PLEKHN1: variants seen among roughly 807,000 people sequenced by gnomAD.
PLEKHN1 encodes pleckstrin homology domain containing N1.
A neutral mutation model predicts 72.8 loss-of-function variants in PLEKHN1; 68 were observed. The ratio of observed to expected loss-of-function variants is 0.93; its 90% CI spans 0.77 to 1.14. The LOEUF (loss-of-function observed/expected upper bound fraction) is 1.14. Ranked by LOEUF, PLEKHN1 falls within the 50% of genes most tolerant of loss-of-function variation. PLEKHN1 has a pLI of 0.00. For missense variants in PLEKHN1, 1,015 were observed against 840.5 expected, an observed-to-expected ratio of 1.21 and a Z score of -2.57; for synonymous variants, 454 against 371.6, an observed-to-expected ratio of 1.22 and a Z score of -2.55.
rs1643537506 is a variant in PLEKHN1, at chr1:974,970, G to T, written c.*395G>T. 11 of 230,718 alleles carry T rather than the reference G, an allele frequency of 4.8e-5. No individual in the cohort carries two copies. The South Asian group carries it at 7.6e-4, about 16-fold the overall frequency. The allele number at this position is 230,718 out of a possible 1,614,324, so 14.3% of individuals were successfully genotyped here. ...CAGAGTATGTGAGGTCAGAGGGCAT[G>T]AGGGTCACAGGTCAGCAAGGTGTGA... On this transcript the variant is annotated 3_prime_UTR_variant, in exon 16 of 16. Transcript: ENST00000379410.
chr1:974,726 C>A lies in PLEKHN1; in HGVS notation c.*151C>A. The A allele has an allele frequency of 9.6e-7, 1 of 1,043,194 alleles. No individual in the cohort carries two copies. The highest frequency in any genetic ancestry group is 1.7e-5 in the South Asian group (1 of 58,826). The allele number at this position is 1,043,194 out of a possible 1,614,324, so 64.6% of individuals were successfully genotyped here. On this transcript the variant is annotated 3_prime_UTR_variant, in exon 16 of 16. Transcript: ENST00000379410. ...TGAGTTCAGAGCCCGTCCCTCAGCT[C>A]CTGTTCCTTGGTGCCAGCAGCTGGG...
rs569595533 is a variant in PLEKHN1 at position 969,352 on chromosome 1, T to C, written c.184-925T>C. On this transcript the variant is annotated intron_variant, in intron 2 of 15. Coordinates refer to ENST00000379410, the MANE Select transcript of PLEKHN1 (RefSeq NM_032129.3). The stretch of plus-strand genomic sequence containing the variant: ...GTGCGTGTGTGTGCACAAGTGTGTA[T>C]GTGTGCATGTGTTTGCACGTGTATA... Among the ~76,000 whole-genome samples, 498 of 145,568 alleles carry C rather than the reference T, an allele frequency of 3.4e-3. 1 individual carries two copies. The highest frequency in any genetic ancestry group is 5.2e-3 in the Non-Finnish European group (350 of 66,980).
At position 972,367 on chromosome 1, in the gene PLEKHN1, C is replaced by A; in HGVS notation, c.945C>A (p.Val315=). The change falls in exon 10 of 16, where the codon GTC becomes GTA. Residue 315 remains valine, a synonymous_variant. Coordinates refer to ENST00000379410, the MANE Select transcript of PLEKHN1 (RefSeq NM_032129.3). The part of the protein sequence containing the change: ...YGHWLLCLRA[V]THREGAPPLP... ...ACTGGCTGCTGTGCCTTCGCGCTGT[C>A]ACCCACAGGGAGGGGGCCCCGCCGC... 1 of 1,596,118 alleles carries A rather than the reference C, an allele frequency of 6.3e-7. No individual in the cohort carries two copies. The highest frequency in any genetic ancestry group is 8.5e-7 in the Non-Finnish European group (1 of 1,173,476).
chr1:966,894 C>T (rs1205860158), intron 2 of PLEKHN1, 91 bp downstream of exon 2: 15 of 1,387,276 alleles, frequency 1.1e-5, no homozygotes, highest in African/African-American at 2.9e-5. Flanking sequence ...GGGTCTTCCC[C>T]TCGCCCCCGG....
intron 2 of PLEKHN1, among the ~76,000 whole-genome samples, chr1:967,008 T>G (rs1037117285): frequency 1.3e-5 from 2 of 152,172 alleles, no homozygotes; most frequent in African/African-American, 2.4e-5. Flanking sequence ...GACGCAGGAC[T>G]GAGTCAGTCG....
chr1:966,653 T>TC lies in PLEKHN1; in HGVS notation c.83+44dup, dbSNP rs764273272. ...GGGTGCGGCCACCTGGGCGCAGGGC[T>TC]CCCCCACCCGCTCCGGGGCCAAGCC... is the stretch of plus-strand genomic sequence containing the variant. On this transcript the variant is annotated intron_variant, in intron 1 of 15. Transcript: ENST00000379410. 1.9e-6 allele frequency: 3 copies of TC among 1,589,578 alleles called. No individual in the cohort carries two copies. In the South Asian group the frequency reaches 3.4e-5, roughly 18 times the overall value.
Position 966,570 on chromosome 1 carries a change from G to A in PLEKHN1, c.39G>A (p.Arg13=), listed in dbSNP as rs550687730. The change falls in exon 1 of 16, where the codon AGG becomes AGA. Residue 13 remains arginine (R), a synonymous_variant. Coordinates refer to ENST00000379410, the MANE Select transcript of PLEKHN1 (RefSeq NM_032129.3). ...NSHCVPQAPR[R]LRASFSRKPS... is the part of the protein sequence containing the mutation. ...ACTGTGTCCCTCAGGCCCCCAGGAG[G>A]CTCCGGGCCTCCTTCTCCAGAAAGC... 3.6e-5 allele frequency: 58 copies of A among 1,610,910 alleles called. 1 individual carries two copies. The South Asian group carries it at 6.3e-4, about 17-fold the overall frequency.
chr1:969,567 T>C (rs1320294767), intron 2 of PLEKHN1, among the ~76,000 whole-genome samples: 2 of 152,144 alleles, frequency 1.3e-5, no homozygotes, highest in African/African-American at 4.8e-5. Flanking sequence ...TATACATGTG[T>C]ATGGGTGTAT....
chr1:969,719 T>C (rs1407615272), intron 2 of PLEKHN1, among the ~76,000 whole-genome samples: 4 of 151,924 alleles, frequency 2.6e-5, no homozygotes, highest in Non-Finnish European at 5.9e-5. Flanking sequence ...TTCCCGTGTG[T>C]ATGCATCTGT....
chr1:969,898 T>TGC (rs1243450103), intron 2 of PLEKHN1, among the ~76,000 whole-genome samples: 1 of 151,996 alleles, frequency 6.6e-6, no homozygotes, highest in East Asian at 1.9e-4. Context: ...TGTATGCATA[T>TGC]ATGTATGCAC....
Position 972,391 on chromosome 1 carries a change from G to A in PLEKHN1, c.969G>A (p.Pro323=), listed in dbSNP as rs770233654. The part of the protein sequence containing the change: ...RAVTHREGAP[P]LPGAESFPGS... ...TCACCCACAGGGAGGGGGCCCCGCCGCTGCCTGGTGCCGAGAGCTTCCCAG... is the reference window on the plus strand; with the variant it reads ...TCACCCACAGGGAGGGGGCCCCGCCACTGCCTGGTGCCGAGAGCTTCCCAG... Residue 323 remains proline (P), a synonymous_variant, in exon 10 of 16, where the codon CCG becomes CCA. Coordinates refer to ENST00000379410, the MANE Select transcript of PLEKHN1 (RefSeq NM_032129.3). 3.3e-5 allele frequency: 52 copies of A among 1,586,200 alleles called. No individual in the cohort carries two copies. The highest frequency in any genetic ancestry group is 2.3e-4 in the East Asian group (10 of 43,692).
chr1:971,926 G>T, intron 8 of PLEKHN1, 149 bp from the exon 9 acceptor site: 1 of 726,936 alleles, frequency 1.4e-6, no homozygotes, highest in South Asian at 1.8e-5. Context: ...GGAGACATGG[G>T]ACCCACTGGC....
chr1:974,661 G>C lies in PLEKHN1; in HGVS notation c.*86G>C. 6.8e-7 allele frequency: 1 copy of C among 1,479,152 alleles called. No homozygotes were observed. The highest frequency in any genetic ancestry group is 1.3e-5 in the South Asian group (1 of 76,686). 91.6% of individuals were successfully genotyped at this position (1,479,152 alleles called of 1,614,324 possible). On this transcript the variant is annotated 3_prime_UTR_variant, in exon 16 of 16. Coordinates refer to ENST00000379410, the MANE Select transcript of PLEKHN1 (RefSeq NM_032129.3). ...CTAACCCACTTCAAATTACAAGTCAGGGTCTGAACCCAGTGTGATGGGGGG... is the reference window on the plus strand; with the variant it reads ...CTAACCCACTTCAAATTACAAGTCACGGTCTGAACCCAGTGTGATGGGGGG...
At chr1:966,655 C>T (rs774747623) in intron 1 of PLEKHN1, 41 bp downstream of exon 1, 14 of 1,590,826 alleles carry the variant, frequency 8.8e-6, no homozygotes, top group South Asian at 3.4e-5. Flanking sequence ...CGCAGGGCTC[C>T]CCCACCCGCT....
In PLEKHN1 at chr1:970,656, C is replaced by G. The variant is rs748881967; in HGVS notation, c.412-30C>G. The stretch of plus-strand genomic sequence containing the variant: ...TGGCCGCCCTTCCCTCCATGGATCC[C>G]TGAAGCTCCTCCTACCCTGTGCCTG... On this transcript the variant is annotated intron_variant, in intron 4 of 15. Transcript: ENST00000379410. This position sits in a 1 kb window ranked among gnomAD's most constrained non-coding sequence, Gnocchi z 4.2. The G allele has an allele frequency of 3.7e-6, 6 of 1,600,370 alleles. No homozygotes were observed. Among genetic ancestry groups the G allele is most frequent in the African/African-American group, 1.3e-5 (1 of 74,792 alleles).
In PLEKHN1 at chr1:974,455, C is replaced by A. The variant is rs1454628025; in HGVS notation, c.1716C>A (p.Pro572=). The A allele has an allele frequency of 7.4e-6, 12 of 1,612,744 alleles. No homozygotes were observed. The highest frequency in any genetic ancestry group is 1.0e-5 in the Non-Finnish European group (12 of 1,179,962). ...CTTCCCTACCAGATGGTCGGTCCCC[C>A]AGGAGGAGCCGGGACCCCGGCTACG... The part of the protein sequence containing the change: ...PWLPLTDGRS[P]RRSRDPGYDH... The change falls in exon 16 of 16, where the codon CCC becomes CCA. Residue 572 remains proline, a synonymous_variant. Transcript: ENST00000379410.
intron 2 of PLEKHN1, 128 bp downstream of exon 2, chr1:966,931 G>C (rs910545920): frequency 9.6e-7 from 1 of 1,040,406 alleles, no homozygotes; most frequent in Non-Finnish European, 1.3e-6. Flanking sequence ...TAGGTGAGGA[G>C]CCGACGCTGA....
At chr1:973,784 TG>T in intron 13 of PLEKHN1, 48 bp from the exon 14 acceptor site, 3 of 1,584,438 alleles carry the variant, frequency 1.9e-6, no homozygotes, top group Non-Finnish European at 8.6e-7. Flanking sequence ...GTTGAGGTTC[TG>T]GGGGCCCCTG....
chr1:970,517 G>GCAGGATGT lies in PLEKHN1; in HGVS notation c.331_338dup. 6.2e-7 allele frequency: 1 copy of GCAGGATGT among 1,613,122 alleles called. No individual in the cohort carries two copies. The highest frequency in any genetic ancestry group is 8.5e-7 in the Non-Finnish European group (1 of 1,179,962). On this transcript the variant is annotated splice_region_variant and splice_polypyrimidine_tract_variant and intron_variant, in intron 3 of 15. Coordinates refer to ENST00000379410, the MANE Select transcript of PLEKHN1 (RefSeq NM_032129.3). The surrounding 1 kb of genome is among the most constrained non-coding windows in gnomAD (Gnocchi z 4.2). ...CCGCACTGACGACCCTGCTCCCCGCGCAGGATGTCAGCGACTGCTACCTGG... is the reference window on the plus strand; with the variant it reads ...CCGCACTGACGACCCTGCTCCCCGCGCAGGATGTCAGGATGTCAGCGACTGCTACCTGG...
Sources: gnomAD v4.1 joint callset for allele counts (sites outside exome capture counted in the v4.1 genomes callset) on GRCh38, gnomAD v4.1.1 for gene constraint, Gnocchi (gnomAD v3.1) non-coding constraint, MANE v1.5 for transcripts, NCBI Gene and HGNC (gene_info 2026-07-23, HGNC 2026-07-21) for gene names.